Variants in CHGA observed in about 807,000 individuals in gnomAD.
CHGA encodes chromogranin-A.
A neutral mutation model predicts 54.4 loss-of-function variants in CHGA; 41 were observed. The ratio of observed to expected loss-of-function variants is 0.75; its 90% CI spans 0.59 to 0.98. CHGA has a LOEUF of 0.98. CHGA is among the 50% of genes least tolerant of loss of function. CHGA has a pLI of 0.00. For synonymous variants in CHGA, 249 were observed against 232.8 expected (o/e 1.07, Z -0.63); for missense variants, 576 against 582.3 (o/e 0.99, Z 0.11).
chr14:92,931,842 T>C lies in CHGA; in HGVS notation c.808+140T>C, dbSNP rs147234432. 241 of 899,210 alleles carry C rather than the reference T, an allele frequency of 2.7e-4. 2 individuals are homozygous for C. Among genetic ancestry groups the C allele is most frequent in the Admixed American group, 2.5e-3 (94 of 37,746 alleles). 55.7% of individuals were successfully genotyped at this position (899,210 alleles called of 1,614,324 possible). A position where few individuals can be genotyped will look rare whatever the true frequency, so the allele number is the denominator to read the frequency against. On this transcript the variant is annotated intron_variant, in intron 6 of 7. Transcript: ENST00000216492. ...TAGCTCCATTTCCCAGGTGGACAAA[T>C]GAGGCTCAGAGAGGTTAAGTAATTT...
intron 3 of CHGA, 133 bp downstream of exon 3, chr14:92,926,831 C>G (rs1471977984): frequency 1.3e-6 from 1 of 759,524 alleles, no homozygotes; most frequent in East Asian, 2.7e-5. Context: ...TGTCCAGGCA[C>G]TGCACCAGGG....
intron 7 of CHGA, among the ~76,000 whole-genome samples, chr14:92,934,336 T>TC (rs1478597255): frequency 3.3e-5 from 5 of 151,998 alleles, no homozygotes; most frequent in African/African-American, 1.2e-4. Flanking sequence ...GTGGGGCAGC[T>TC]CCCCCAGCAT....
At position 92,929,803 on chromosome 14, in the gene CHGA, G is replaced by A; in HGVS notation, c.343G>A (p.Ala115Thr). Residue 115 changes from alanine to threonine, a missense_variant, in exon 5 of 8, where the codon GCC becomes ACC. By Grantham distance (58) the Ala-to-Thr change is moderately conservative (BLOSUM62 0). Transcript: ENST00000216492. Reference sequence around the variant, plus strand: ...GGTTCTTGAGAACCAGAGCAGCCAGGCCGAGCTGAAAGGTCTGTCCCAGCC... The same window carrying A: ...GGTTCTTGAGAACCAGAGCAGCCAGACCGAGCTGAAAGGTCTGTCCCAGCC... ...SEVLENQSSQ[A>T]ELKEAVEEPS... is the part of the protein sequence containing the mutation. The A allele has an allele frequency of 1.2e-6, 2 of 1,612,052 alleles. No individual in the cohort carries two copies. Among genetic ancestry groups the A allele is most frequent in the Non-Finnish European group, 1.7e-6 (2 of 1,179,980 alleles).
In CHGA at chr14:92,931,565, A is replaced by G. The variant is rs2139673303; in HGVS notation, c.671A>G (p.Gln224Arg). ...GGCCTGAGTGCAGAGCCAGGGTGGC[A>G]GGCAAAGAGAGAAGAGGAGGAGGAG... ...EKGLSAEPGW[Q>R]AKREEEEEEE... Residue 224 changes from glutamine (Q) to arginine (R), a missense_variant, in exon 6 of 8, where the codon CAG becomes CGG. Transcript: ENST00000216492. The G allele has an allele frequency of 1.2e-6, 2 of 1,613,082 alleles. No individual in the cohort carries two copies. The highest frequency in any genetic ancestry group is 4.5e-5 in the East Asian group (2 of 44,868).
In CHGA at chr14:92,926,430, A is replaced by G. The variant is rs145411449; in HGVS notation, c.94-175A>G. The G allele has an allele frequency of 2.8e-4, 170 of 615,156 alleles. No homozygotes were observed. In the African/African-American group the frequency reaches 2.9e-3, roughly 10 times the overall value. The allele number at this position is 615,156 out of a possible 1,614,324, so 38.1% of individuals were successfully genotyped here. Reference sequence around the variant, plus strand: ...ACTGTGTTAAGGGTTTTCTATTATCATTGCTATCACTGTCTGGCTAAGAAA... The same window carrying G: ...ACTGTGTTAAGGGTTTTCTATTATCGTTGCTATCACTGTCTGGCTAAGAAA... On this transcript the variant is annotated intron_variant, in intron 2 of 7. Transcript: ENST00000216492.
intron 2 of CHGA, among the ~76,000 whole-genome samples, chr14:92,924,666 C>T (rs1256810969): frequency 6.6e-6 from 1 of 152,232 alleles, no homozygotes; most frequent in Non-Finnish European, 1.5e-5. Context: ...AAGGCTCTGC[C>T]AGTAACAACC....
At chr14:92,933,013 A>C in intron 7 of CHGA, 162 bp downstream of exon 7, 1 of 1,096,060 alleles carries the variant, frequency 9.1e-7, no homozygotes, top group Non-Finnish European at 1.2e-6. Flanking sequence ...GTGGGAGAAC[A>C]CCCCAGCTCA....
At chr14:92,933,453 A>G (rs2139675774) in intron 7 of CHGA, among the ~76,000 whole-genome samples, 1 of 152,154 alleles carries the variant, frequency 6.6e-6, no homozygotes, top group South Asian at 2.1e-4. Flanking sequence ...GGAACACACA[A>G]AGGCTTTGAA....
At chr14:92,926,525 T>G in intron 2 of CHGA, 80 bp from the exon 3 acceptor site, 3 of 1,195,644 alleles carry the variant, frequency 2.5e-6, no homozygotes, top group Non-Finnish European at 3.7e-6. Context: ...CTGTCCTCAC[T>G]AGAAATTCAC....
At chr14:92,929,620 C>A in intron 4 of CHGA, 97 bp from the exon 5 acceptor site, 1 of 1,076,476 alleles carries the variant, frequency 9.3e-7, no homozygotes, top group Non-Finnish European at 1.4e-6. Context: ...ACATGATGTG[C>A]CCAGCTTACA....
chr14:92,925,856 C>G (rs1449088000), intron 2 of CHGA, among the ~76,000 whole-genome samples: 3 of 152,222 alleles, frequency 2.0e-5, no homozygotes, highest in Non-Finnish European at 4.4e-5. Flanking sequence ...CAAGATCACA[C>G]AGCTAGGATA....
upstream of CHGA, chr14:92,923,138 G>A (rs1886815132): frequency 2.9e-6 from 1 of 345,352 alleles, no homozygotes; most frequent in South Asian, 1.5e-4. Flanking sequence ...GGGGCGCGAG[G>A]GCGCTGCTGC....
intron 2 of CHGA, among the ~76,000 whole-genome samples, chr14:92,925,295 C>G (rs1004042649): frequency 4.6e-5 from 7 of 152,176 alleles, no homozygotes; most frequent in African/African-American, 1.7e-4. Context: ...ACCCTCTACC[C>G]AATTCCTGCC....
intron 4 of CHGA, among the ~76,000 whole-genome samples, chr14:92,928,276 G>A (rs546056814): frequency 2.5e-4 from 38 of 152,352 alleles, no homozygotes; most frequent in African/African-American, 7.9e-4. Flanking sequence ...GTGGGGGTAC[G>A]AAGGCTGCTC....
chr14:92,928,584 C>A (rs1237445620), intron 4 of CHGA, among the ~76,000 whole-genome samples: 1 of 152,122 alleles, frequency 6.6e-6, no homozygotes, highest in Non-Finnish European at 1.5e-5. Flanking sequence ...TTGTTTTTAA[C>A]TAAGCATTAA....
chr14:92,934,616 T>C (rs528718920), intron 7 of CHGA, among the ~76,000 whole-genome samples, 185 bp from the exon 8 acceptor site: 1 of 152,272 alleles, frequency 6.6e-6, no homozygotes, highest in South Asian at 2.1e-4. Context: ...AGCCACCTTC[T>C]TGTGCATAAT....
At chr14:92,926,896 A>G (rs565685703) in intron 3 of CHGA, among the ~76,000 whole-genome samples, 198 bp downstream of exon 3, 2 of 152,362 alleles carry the variant, frequency 1.3e-5, no homozygotes, top group South Asian at 2.1e-4. Flanking sequence ...ACAGACTGGC[A>G]GAGGGGATGC....
At chr14:92,931,106 C>G in intron 5 of CHGA, 144 bp from the exon 6 acceptor site, 1 of 743,104 alleles carries the variant, frequency 1.3e-6, no homozygotes, top group Non-Finnish European at 2.2e-6. Flanking sequence ...TGGACATGGA[C>G]AGAGGGGTAA....
intron 3 of CHGA, among the ~76,000 whole-genome samples, chr14:92,927,049 C>G (rs1333896879): frequency 6.6e-6 from 1 of 152,150 alleles, no homozygotes; most frequent in African/African-American, 2.4e-5. Context: ...CTGCAGACAC[C>G]CTCTAGATGT....
Sources: allele counts gnomAD v4.1 joint callset (sites outside exome capture counted in the v4.1 genomes callset), GRCh38; gene constraint gnomAD v4.1.1; transcripts MANE v1.5; gene names NCBI Gene and HGNC (gene_info 2026-07-23, HGNC 2026-07-21).